The following PIK3CD variants were observed in gnomAD, a reference collection of about 807,000 sequenced individuals.
PIK3CD encodes the protein phosphatidylinositol-4,5-bisphosphate 3-kinase catalytic subunit delta.
A neutral mutation model predicts 122.9 loss-of-function variants in PIK3CD; 20 were observed. The observed-to-expected ratio is 0.16, with a 90% CI of 0.11 to 0.24. The LOEUF (loss-of-function observed/expected upper bound fraction) is 0.24, where lower values mean the gene tolerates loss of function less well. Ranked by LOEUF, PIK3CD falls within the 10% of genes least tolerant of loss-of-function variation. The probability of loss-of-function intolerance (pLI) is 1.00; values close to 1 mark genes in which losing one functional copy is unlikely to be tolerated. For missense variants in PIK3CD, 787 were observed against 1,406.3 expected (o/e 0.56, Z 7.04); for synonymous variants, 596 against 593.4 (o/e 1.00, Z -0.06).
In PIK3CD at chr1:9,719,798, G is replaced by A. The variant is rs889716133; in HGVS notation, c.1243-123G>A. The A allele has an allele frequency of 6.1e-6, 5 of 824,910 alleles. No homozygotes were observed. Among genetic ancestry groups the A allele is most frequent in the African/African-American group, 1.7e-5 (1 of 59,758 alleles). 51.1% of individuals were successfully genotyped at this position (824,910 alleles called of 1,614,324 possible). A position where few individuals can be genotyped will look rare whatever the true frequency, so the allele number is the denominator to read the frequency against. ...CCTTCCCCAAGCAGGGTCTCCCAGG[G>A]GTCTGGTTGGGAGATGTTAGCTGGG... On this transcript the variant is annotated intron_variant, in intron 9 of 23. Transcript: ENST00000377346. This position sits in a 1 kb window ranked among gnomAD's most constrained non-coding sequence, Gnocchi z 5.5.
chr1:9,689,808 G>A lies in PIK3CD; in HGVS notation c.-137-1659G>A, dbSNP rs1413715202. Among the ~76,000 whole-genome samples the A allele has an allele frequency of 6.6e-6, 1 of 151,914 alleles. No individual in the cohort carries two copies. Among genetic ancestry groups the A allele is most frequent in the Non-Finnish European group, 1.5e-5 (1 of 67,872 alleles). On this transcript the variant is annotated intron_variant, in intron 1 of 23. Transcript: ENST00000377346. This position sits in a 1 kb window ranked among gnomAD's most constrained non-coding sequence, Gnocchi z 6.1. ...GGCGTCCCACCCCGCCCAGCCCCGG[G>A]CTTTGTCCGCCTGGGGCGGGGTGGG...
chr1:9,654,237 C>A (rs1365422807), intron 1 of PIK3CD: 4 of 1,367,602 alleles, frequency 2.9e-6, no homozygotes, highest in Non-Finnish European at 3.9e-6. Flanking sequence ...CCCAGAGGTA[C>A]TCCCGACCAC....
Position 9,653,966 on chromosome 1 carries a change from G to A in PIK3CD, c.-138+2164G>A, listed in dbSNP as rs374651318. The stretch of plus-strand genomic sequence containing the variant: ...CATACCTGTCATCCCAGTGCTTTGG[G>A]AGGCCCAGACGGGAGGATCACTTGA... On this transcript the variant is annotated intron_variant, in intron 1 of 23. Transcript: ENST00000377346. 2,993 of 1,351,212 alleles carry A rather than the reference G, an allele frequency of 2.2e-3. 84 individuals carry two copies. In the South Asian group the frequency reaches 0.033, roughly 15 times the overall value. 83.7% of individuals were successfully genotyped at this position (1,351,212 alleles called of 1,614,324 possible).
chr1:9,717,794 G>T lies in PIK3CD; in HGVS notation c.1020+168G>T, dbSNP rs1420200041. On this transcript the variant is annotated intron_variant, in intron 8 of 23. Coordinates refer to ENST00000377346, the MANE Select transcript of PIK3CD (RefSeq NM_005026.5). This position sits in a 1 kb window ranked among gnomAD's most constrained non-coding sequence, Gnocchi z 5.4. ...GTGAGCGGCTTGAAAACAGGAAGTG[G>T]GGAGGGGGTGGGCCAGCCGGCCCTG... is the stretch of plus-strand genomic sequence containing the variant. Among the ~76,000 whole-genome samples the T allele has an allele frequency of 6.6e-6, 1 of 152,252 alleles. No individual in the cohort carries two copies. The highest frequency in any genetic ancestry group is 1.5e-5 in the Non-Finnish European group (1 of 68,044).
chr1:9,722,475 G>A lies in PIK3CD; in HGVS notation c.2348-53G>A. ...CTTAAGGGCTTGGGTGTAGCTGGAA[G>A]CAGAGAACCTACCAGAAACTCACGC... On this transcript the variant is annotated intron_variant, in intron 18 of 23. Transcript: ENST00000377346. This position sits in a 1 kb window ranked among gnomAD's most constrained non-coding sequence, Gnocchi z 7.6. The A allele has an allele frequency of 4.5e-6, 7 of 1,564,850 alleles. No individual in the cohort carries two copies. The highest frequency in any genetic ancestry group is 6.2e-6 in the Non-Finnish European group (7 of 1,135,862).
the PIK3CD span, among the ~76,000 whole-genome samples, chr1:9,627,580 G>GATA: frequency 6.6e-6 from 1 of 152,344 alleles, no homozygotes; most frequent in East Asian, 1.9e-4. Flanking sequence ...TGATGATGAT[G>GATA]ATAACATGTG....
chr1:9,645,985 TG>T, the PIK3CD span, among the ~76,000 whole-genome samples: 3 of 152,026 alleles, frequency 2.0e-5, no homozygotes, highest in Non-Finnish European at 4.4e-5. Context: ...TTGGCCAGGC[TG>T]GTCTCAAACT....
chr1:9,706,050 A>AT (rs140912843), intron 2 of PIK3CD, among the ~76,000 whole-genome samples: 44,463 of 85,296 alleles, frequency 0.52, 10,607 homozygotes, highest in East Asian at 0.64. Context: ...ATTTATTGGA[A>AT]TTTTTTTTTT....
At chr1:9,695,071 A>G (rs755786744) in intron 2 of PIK3CD, among the ~76,000 whole-genome samples, 1 of 152,188 alleles carries the variant, frequency 6.6e-6, no homozygotes, top group Non-Finnish European at 1.5e-5. Flanking sequence ...ACAGGGTCGT[A>G]TGGGGAAAAA....
In PIK3CD at chr1:9,719,150, T is replaced by C. The variant is rs1226081049; in HGVS notation, c.1242+235T>C. Among the ~76,000 whole-genome samples the C allele has an allele frequency of 1.3e-5, 2 of 152,230 alleles. No homozygotes were observed. Among genetic ancestry groups the C allele is most frequent in the Admixed American group, 1.3e-4 (2 of 15,284 alleles). ...CGGCCTCAGAATATCTGGCCTGGGC[T>C]GTGGTCCTGCAGGAACCTGCAGGTA... On this transcript the variant is annotated intron_variant, in intron 9 of 23. Coordinates refer to ENST00000377346, the MANE Select transcript of PIK3CD (RefSeq NM_005026.5). The surrounding 1 kb of genome is among the most constrained non-coding windows in gnomAD (Gnocchi z 5.5).
At chr1:9,662,980 C>A (rs1243458273) in intron 1 of PIK3CD, among the ~76,000 whole-genome samples, 1 of 152,194 alleles carries the variant, frequency 6.6e-6, no homozygotes, top group Non-Finnish European at 1.5e-5. Flanking sequence ...TGAGCCACTG[C>A]ACCTGGCAGC....
At chr1:9,716,936 G>A (rs751814204) in intron 6 of PIK3CD, 23 bp from the exon 7 acceptor site, 24 of 1,613,288 alleles carry the variant, frequency 1.5e-5, no homozygotes, top group African/African-American at 2.7e-5. Flanking sequence ...CCCACCAGCC[G>A]CTCACCCTGC....
chr1:9,702,500 C>CTTTTTTTTT (rs60167511), intron 2 of PIK3CD, among the ~76,000 whole-genome samples: 311 of 25,824 alleles, frequency 0.012, 129 homozygotes, highest in Non-Finnish European at 0.022. Context: ...AAGAACTTTC[C>CTTTTTTTTT]TTTTTTTTTT....
chr1:9,633,841 C>T, the PIK3CD span, among the ~76,000 whole-genome samples: 1 of 152,096 alleles, frequency 6.6e-6, no homozygotes, highest in Admixed American at 6.6e-5. Context: ...ATAGGAGATA[C>T]CATCATGTTT....
At chr1:9,674,450 C>T (rs996139204) in intron 1 of PIK3CD, among the ~76,000 whole-genome samples, 2 of 151,850 alleles carry the variant, frequency 1.3e-5, no homozygotes, top group African/African-American at 2.4e-5. Context: ...GAGGCCAAGG[C>T]GGGTAGATCA....
At chr1:9,706,050 A>ATTTTTTTTTT (rs140912843) in intron 2 of PIK3CD, among the ~76,000 whole-genome samples, 1 of 85,188 alleles carries the variant, frequency 1.2e-5, no homozygotes, top group Non-Finnish European at 2.2e-5. Context: ...ATTTATTGGA[A>ATTTTTTTTTT]TTTTTTTTTT....
At chr1:9,638,548 C>T in the PIK3CD span, among the ~76,000 whole-genome samples, 948 of 151,700 alleles carry the variant, frequency 6.2e-3, 10 homozygotes, top group African/African-American at 0.022. Flanking sequence ...CTGGCTAACA[C>T]GGTGAAACCC....
rs147315622 is a variant in PIK3CD, at chr1:9,659,161, G to C, written c.-138+7359G>C. ...GGGAACAACACACACTGGGGCTTGT[G>C]AGGGTGGGGTAGGGGGTGGGAGAGC... On this transcript the variant is annotated intron_variant, in intron 1 of 23. Coordinates refer to ENST00000377346, the MANE Select transcript of PIK3CD (RefSeq NM_005026.5). Among the ~76,000 whole-genome samples, 385 of 152,064 alleles carry C rather than the reference G, an allele frequency of 2.5e-3. 2 individuals are homozygous for C. Among genetic ancestry groups the C allele is most frequent in the African/African-American group, 8.8e-3 (365 of 41,492 alleles).
chr1:9,722,461 G>A lies in PIK3CD; in HGVS notation c.2348-67G>A. ...ACAGAATCCTGGGACTTAAGGGCTT[G>A]GGTGTAGCTGGAAGCAGAGAACCTA... On this transcript the variant is annotated intron_variant, in intron 18 of 23. Transcript: ENST00000377346. The surrounding 1 kb of genome is among the most constrained non-coding windows in gnomAD (Gnocchi z 7.6). 1 of 1,545,882 alleles carries A rather than the reference G, an allele frequency of 6.5e-7. No individual in the cohort carries two copies.
Sources: gnomAD v4.1 joint callset for allele counts (sites outside exome capture counted in the v4.1 genomes callset) on GRCh38, gnomAD v4.1.1 for gene constraint, Gnocchi (gnomAD v3.1) non-coding constraint, MANE v1.5 for transcripts, NCBI Gene and HGNC (gene_info 2026-07-23, HGNC 2026-07-21) for gene names.